Variants in OTOGL observed in about 807,000 individuals in gnomAD.
OTOGL encodes the protein otogelin like.
OTOGL carries 285 observed loss-of-function variants against 318.5 expected under a neutral mutation model. That is an observed-to-expected ratio of 0.89 (90% CI 0.81 to 0.99). The LOEUF (loss-of-function observed/expected upper bound fraction) is 0.99. Ranked by LOEUF, OTOGL falls within the 50% of genes least tolerant of loss-of-function variation. OTOGL has a pLI of 0.00. For missense variants in OTOGL, 2,899 were observed against 2,845.6 expected, an observed-to-expected ratio of 1.02 and a Z score of -0.43; for synonymous variants, 987 against 936.5, an observed-to-expected ratio of 1.05 and a Z score of -0.99.
chr12:80,369,430 A>G (rs142434380), intron 55 of OTOGL, among the ~76,000 whole-genome samples: 93 of 152,232 alleles, frequency 6.1e-4, no homozygotes, highest in Middle Eastern at 3.4e-3. Flanking sequence ...TATTTAGGAC[A>G]TGCTTACACT....
intron 19 of OTOGL, among the ~76,000 whole-genome samples, chr12:80,264,290 A>T (rs968563855): frequency 6.6e-6 from 1 of 152,164 alleles, no homozygotes; most frequent in African/African-American, 2.4e-5. Context: ...AGTCATTCTC[A>T]AGGGAAAAAT....
Position 80,328,787 on chromosome 12 carries a change from C to T in OTOGL, c.4279+43C>T. On this transcript the variant is annotated intron_variant, in intron 36 of 58. Coordinates refer to ENST00000547103, the MANE Select transcript of OTOGL (RefSeq NM_001378609.3). ...TTAATTTACTCTGAAAAATTATACG[C>T]TTGCATATGTTTTTTCCGAGGCAAG... The T allele has an allele frequency of 2.0e-6, 3 of 1,502,470 alleles. No individual in the cohort carries two copies. The South Asian group carries it at 3.5e-5, about 18-fold the overall frequency. 93.1% of individuals were successfully genotyped at this position (1,502,470 alleles called of 1,614,324 possible).
At chr12:80,360,821 C>A (rs1345889919) in intron 52 of OTOGL, among the ~76,000 whole-genome samples, 2 of 151,932 alleles carry the variant, frequency 1.3e-5, no homozygotes, top group African/African-American at 4.8e-5. Flanking sequence ...AACCAGTATA[C>A]AATCTTTGTG....
intron 52 of OTOGL, chr12:80,361,222 GATT>G (rs1431572697): frequency 6.6e-6 from 1 of 152,000 alleles, no homozygotes; most frequent in Non-Finnish European, 1.5e-5. Flanking sequence ...ATATAAATGA[GATT>G]ATGTGGTATT....
At chr12:80,122,505 ACT>A (rs1160274504) in intron 1 of OTOGL, among the ~76,000 whole-genome samples, 2 of 152,048 alleles carry the variant, frequency 1.3e-5, no homozygotes, top group African/African-American at 4.8e-5. Context: ...GAAGAGGAAA[ACT>A]CTTATCTGGT....
At chr12:80,362,879 C>T (rs1466612579) in intron 52 of OTOGL, among the ~76,000 whole-genome samples, 1 of 152,162 alleles carries the variant, frequency 6.6e-6, no homozygotes, top group Non-Finnish European at 1.5e-5. Flanking sequence ...CCCTCTCTCT[C>T]ACCTAGAGAA....
intron 24 of OTOGL, among the ~76,000 whole-genome samples, chr12:80,273,389 C>T (rs758071375): frequency 2.0e-5 from 3 of 152,030 alleles, no homozygotes; most frequent in Non-Finnish European, 2.9e-5. Flanking sequence ...AAAAGGACCA[C>T]ATAACCCTAA....
At chr12:80,127,509 T>C (rs1424979821) in intron 1 of OTOGL, among the ~76,000 whole-genome samples, 1 of 152,192 alleles carries the variant, frequency 6.6e-6, no homozygotes, top group African/African-American at 2.4e-5. Context: ...AATCTGACAA[T>C]TGTGTGTCTT....
chr12:80,194,687 A>G (rs1875930300), intron 1 of OTOGL, among the ~76,000 whole-genome samples: 2 of 152,186 alleles, frequency 1.3e-5, no homozygotes, highest in South Asian at 4.1e-4. Context: ...GCTCTAAAAT[A>G]TATTTAATGT....
chr12:80,124,278 C>A (rs1036636658), intron 1 of OTOGL, among the ~76,000 whole-genome samples: 4 of 152,180 alleles, frequency 2.6e-5, no homozygotes, highest in Non-Finnish European at 5.9e-5. Flanking sequence ...TTCCCAGCAC[C>A]ATTTATTAAA....
intron 1 of OTOGL, among the ~76,000 whole-genome samples, chr12:80,136,693 C>A (rs137914228): frequency 4.5e-4 from 68 of 152,206 alleles, no homozygotes; most frequent in African/African-American, 1.6e-3. Context: ...TCAAATGTCT[C>A]CTACCAGGGA....
chr12:80,273,792 A>G (rs924898574), intron 24 of OTOGL, among the ~76,000 whole-genome samples: 1 of 152,028 alleles, frequency 6.6e-6, no homozygotes, highest in African/African-American at 2.4e-5. Flanking sequence ...ATTTTCCAAC[A>G]GCATGTGCTT....
chr12:80,151,448 A>G (rs1872775394), intron 1 of OTOGL, among the ~76,000 whole-genome samples: 2 of 152,180 alleles, frequency 1.3e-5, no homozygotes, highest in South Asian at 4.1e-4. Flanking sequence ...GCTTATTCAC[A>G]TACTTACAAG....
At position 80,270,159 on chromosome 12, in the gene OTOGL, G is replaced by A. The variant is rs1442144798; in HGVS notation, c.2518+5G>A. On this transcript the variant is annotated splice_donor_5th_base_variant and intron_variant, in intron 23 of 58. Transcript: ENST00000547103. Reference sequence around the variant, plus strand: ...AATTAGCAACGCCCTCTGCTGGTAAGATCTTAAAAGATGTTTTCCTGAATG... The same window carrying A: ...AATTAGCAACGCCCTCTGCTGGTAAAATCTTAAAAGATGTTTTCCTGAATG... 1.9e-6 allele frequency: 3 copies of A among 1,593,810 alleles called. No homozygotes were observed. Among genetic ancestry groups the A allele is most frequent in the Non-Finnish European group, 2.6e-6 (3 of 1,163,026 alleles).
chr12:80,108,809 A>G (rs541450086), intron 1 of OTOGL, among the ~76,000 whole-genome samples: 5 of 141,704 alleles, frequency 3.5e-5, no homozygotes, highest in South Asian at 2.2e-4. Context: ...ATGTATATAT[A>G]TATGTGTATA....
In OTOGL at chr12:80,312,958, A is replaced by G. The variant is rs1886730153; in HGVS notation, c.3451-518A>G. On this transcript the variant is annotated intron_variant, in intron 30 of 58. Coordinates refer to ENST00000547103, the MANE Select transcript of OTOGL (RefSeq NM_001378609.3). ...TCTTGAGTCCCTTGCTCCTTTTTTA[A>G]TGCACTGTCAATATATTAAATTTTG... 2.0e-5 allele frequency among the ~76,000 whole-genome samples: 3 copies of G among 152,200 alleles called. No individual in the cohort carries two copies. In the South Asian group the frequency reaches 6.2e-4, roughly 32 times the overall value.
intron 1 of OTOGL, among the ~76,000 whole-genome samples, chr12:80,124,634 G>T (rs533193067): frequency 2.6e-5 from 4 of 152,098 alleles, no homozygotes; most frequent in African/African-American, 9.7e-5. Context: ...TGGGCAATAC[G>T]GCCATTTTCA....
chr12:80,364,775 A>G (rs1457964790), intron 52 of OTOGL, among the ~76,000 whole-genome samples: 1 of 152,064 alleles, frequency 6.6e-6, no homozygotes, highest in African/African-American at 2.4e-5. Flanking sequence ...ATAATATTCC[A>G]TTGTATGGAT....
intron 17 of OTOGL, among the ~76,000 whole-genome samples, chr12:80,257,486 A>G (rs935257760): frequency 1.3e-5 from 2 of 152,128 alleles, no homozygotes; most frequent in Non-Finnish European, 2.9e-5. Flanking sequence ...TTGAAAAAAC[A>G]TTTAGGACAA....
Sources: allele counts gnomAD v4.1 joint callset (sites outside exome capture counted in the v4.1 genomes callset), GRCh38; gene constraint gnomAD v4.1.1; transcripts MANE v1.5; gene names NCBI Gene and HGNC (gene_info 2026-07-23, HGNC 2026-07-21).